The following TENM1 variants were observed in gnomAD, a reference collection of about 807,000 sequenced individuals.
TENM1 encodes teneurin transmembrane protein 1, also known as teneurin-1.
A neutral mutation model predicts 174.8 loss-of-function variants in TENM1; 35 were observed. That is an observed-to-expected ratio of 0.20 (90% CI 0.15 to 0.27). TENM1 has a LOEUF of 0.27. Among genes scored for constraint, TENM1 ranks in the 10% least tolerant of loss-of-function variants. The pLI is 1.00. For synonymous variants in TENM1, 781 were observed against 798.7 expected (o/e 0.98, Z 0.37); for missense variants, 1,633 against 2,130.1 (o/e 0.77, Z 4.59).
At chrX:124,479,450 GA>G (rs1197953355) in intron 22 of TENM1, among the ~76,000 whole-genome samples, 1 of 111,788 alleles carries the variant, frequency 8.9e-6, no homozygotes, top group Non-Finnish European at 1.9e-5. Context: ...CAAGACAAAG[GA>G]AAATGTAGTA....
chrX:124,445,368 C>G (rs1476950453), intron 23 of TENM1, among the ~76,000 whole-genome samples: 1 of 111,735 alleles, frequency 8.9e-6, no homozygotes, highest in African/African-American at 3.3e-5. Flanking sequence ...TGGATTGTTA[C>G]TACATGGTCA....
chrX:124,511,673 A>G (rs1364112979), intron 18 of TENM1, among the ~76,000 whole-genome samples: 1 of 112,454 alleles, frequency 8.9e-6, no homozygotes, highest in Non-Finnish European at 1.9e-5. Context: ...TATATGTGAA[A>G]GTAGTTTGCA....
intron 11 of TENM1, among the ~76,000 whole-genome samples, chrX:124,569,034 T>C (rs921679996): frequency 1.1e-4 from 12 of 111,221 alleles, no homozygotes; most frequent in East Asian, 2.8e-4. Context: ...TGAGACTCCA[T>C]CTCTACAAAA....
chrX:124,673,993 A>G (rs1185920205), intron 5 of TENM1, among the ~76,000 whole-genome samples: 2 of 111,141 alleles, frequency 1.8e-5, no homozygotes, highest in Non-Finnish European at 3.8e-5. Flanking sequence ...ATGTGGCTTG[A>G]GACAGGATGA....
At chrX:124,850,526 G>A (rs1019013053) in intron 3 of TENM1, among the ~76,000 whole-genome samples, 28 of 111,093 alleles carry the variant, frequency 2.5e-4, no homozygotes, top group African/African-American at 7.5e-4. Context: ...CGCACACTAG[G>A]ATATGGCACT....
chrX:125,046,825 T>A, the TENM1 span, among the ~76,000 whole-genome samples: 3 of 103,591 alleles, frequency 2.9e-5, no homozygotes, highest in African/African-American at 1.1e-4. Flanking sequence ...CAATTATGTG[T>A]GTGTGTGTGC....
At chrX:125,041,422 C>A in the TENM1 span, among the ~76,000 whole-genome samples, 63 of 111,327 alleles carry the variant, frequency 5.7e-4, no homozygotes, top group South Asian at 0.022. Flanking sequence ...TTCCACAGAA[C>A]CAGTAACGAG....
chrX:124,657,017 C>T (rs2051463271), intron 6 of TENM1, among the ~76,000 whole-genome samples: 1 of 110,758 alleles, frequency 9.0e-6, no homozygotes, highest in South Asian at 3.8e-4. Flanking sequence ...ATCTATTTGG[C>T]CAAACTTAAC....
At chrX:124,487,313 GAC>G in intron 20 of TENM1, 84 bp from the exon 24 acceptor site, 1 of 876,160 alleles carries the variant, frequency 1.1e-6, no homozygotes, top group East Asian at 3.4e-5. Flanking sequence ...AACCTAACCA[GAC>G]ACACCAATTC....
the TENM1 span, among the ~76,000 whole-genome samples, chrX:125,147,463 T>G: frequency 8.9e-6 from 1 of 111,746 alleles, no homozygotes; most frequent in East Asian, 2.8e-4. Context: ...TCAACATTAC[T>G]TTTTAGTTAT....
At chrX:124,725,598 C>T (rs1341135849) in intron 4 of TENM1, among the ~76,000 whole-genome samples, 5 of 111,865 alleles carry the variant, frequency 4.5e-5, no homozygotes, top group Admixed American at 1.9e-4. Flanking sequence ...ACAATTCTTG[C>T]AAACATATTT....
chrX:124,530,564 G>A (rs180889845), intron 15 of TENM1, among the ~76,000 whole-genome samples: 1 of 111,149 alleles, frequency 9.0e-6, no homozygotes, highest in Admixed American at 9.6e-5. Context: ...CATTTTCTAT[G>A]CATTTACATA....
chrX:124,441,726 T>C (rs758431875), intron 23 of TENM1, among the ~76,000 whole-genome samples: 2 of 112,444 alleles, frequency 1.8e-5, no homozygotes, highest in Non-Finnish European at 3.8e-5. Context: ...GGTCCAGGCA[T>C]GAGAACGGTG....
chrX:124,461,105 C>G (rs1316120932), intron 22 of TENM1, among the ~76,000 whole-genome samples: 1 of 112,279 alleles, frequency 8.9e-6, no homozygotes, highest in Non-Finnish European at 1.9e-5. Context: ...CAAGAAAGTA[C>G]TCAAGACCTT....
intron 19 of TENM1, among the ~76,000 whole-genome samples, chrX:124,501,086 A>G (rs983110170): frequency 1.8e-5 from 2 of 111,524 alleles, no homozygotes; most frequent in African/African-American, 6.5e-5. Flanking sequence ...ATAATTTTAA[A>G]CACTCGACTG....
chrX:124,538,935 T>C (rs2048261314), intron 15 of TENM1, among the ~76,000 whole-genome samples: 1 of 111,811 alleles, frequency 8.9e-6, no homozygotes, highest in Admixed American at 9.5e-5. Context: ...GATGAAGATC[T>C]GCTATTTTTT....
In TENM1 at chrX:124,755,040, C is replaced by G. The variant is rs770046983; in HGVS notation, c.536-17843G>C. On this transcript the variant is annotated intron_variant, in intron 3 of 31. Coordinates refer to ENST00000422452, the Ensembl canonical transcript of TENM1. The stretch of plus-strand genomic sequence containing the variant: ...AGAGCTGAGTTCAATTCCTGGGTAT[C>G]CTTGTTAACTTTCTGTCTCGTTGAT... 1.4e-4 allele frequency among the ~76,000 whole-genome samples: 14 copies of G among 100,709 alleles called. No individual in the cohort carries two copies. In the South Asian group the frequency reaches 4.2e-3, roughly 30 times the overall value. The allele number at this position is 100,709 out of a possible 115,157, so 87.5% of individuals were successfully genotyped here. A position where few individuals can be genotyped will look rare whatever the true frequency, so the allele number is the denominator to read the frequency against.
At chrX:125,042,471 C>T in the TENM1 span, among the ~76,000 whole-genome samples, 1 of 111,170 alleles carries the variant, frequency 9.0e-6, no homozygotes, top group Non-Finnish European at 1.9e-5. Context: ...CCTTTGTCTC[C>T]CACTCCTGAG....
At chrX:124,924,600 G>A (rs143444793) in intron 1 of TENM1, among the ~76,000 whole-genome samples, 1 of 111,455 alleles carries the variant, frequency 9.0e-6, no homozygotes, top group African/African-American at 3.3e-5. Flanking sequence ...TTCTCCCAGG[G>A]ACCATGACAT....
Sources: allele counts gnomAD v4.1 joint callset (sites outside exome capture counted in the v4.1 genomes callset), GRCh38; gene constraint gnomAD v4.1.1; transcripts MANE v1.5; gene names NCBI Gene and HGNC (gene_info 2026-07-23, HGNC 2026-07-21).